CXADR: variants seen among roughly 807,000 people sequenced by gnomAD.
CXADR encodes the protein coxsackievirus and adenovirus receptor.
In CXADR, 20 loss-of-function variants were observed where a neutral mutation model predicts 40.3. The observed-to-expected ratio is 0.50, with a 90% CI of 0.35 to 0.72. The LOEUF (loss-of-function observed/expected upper bound fraction) is 0.72. Ranked by LOEUF, CXADR falls within the 30% of genes least tolerant of loss-of-function variation. The probability of loss-of-function intolerance (pLI) is 0.01; values close to 1 mark genes in which losing one functional copy is unlikely to be tolerated. For synonymous variants in CXADR, 150 were observed against 161.3 expected (o/e 0.93, Z 0.53); for missense variants, 332 against 449.1 (o/e 0.74, Z 2.36).
At chr21:17,564,769 C>G (rs916721965) in intron 6 of CXADR, among the ~76,000 whole-genome samples, 1 of 152,176 alleles carries the variant, frequency 6.6e-6, no homozygotes, top group African/African-American at 2.4e-5. Flanking sequence ...GAGTCTCACT[C>G]TGGCGCCCAG....
rs149744839 is a variant in CXADR at position 17,523,670 on chromosome 21, A to T, written c.43+10498A>T. The stretch of plus-strand genomic sequence containing the variant: ...TAGTTGATGTGAAGATAATTATTAA[A>T]TTAAATTAATTATTAAAATAAGATA... On this transcript the variant is annotated intron_variant, in intron 1 of 6. Coordinates refer to ENST00000284878, the MANE Select transcript of CXADR (RefSeq NM_001338.5). Among the ~76,000 whole-genome samples, 1,343 of 150,680 alleles carry T rather than the reference A, an allele frequency of 8.9e-3. 24 individuals are homozygous for T. Among genetic ancestry groups the T allele is most frequent in the African/African-American group, 0.031 (1,281 of 41,488 alleles).
Position 17,565,677 on chromosome 21 carries a change from T to G in CXADR, c.1083T>G (p.Asp361Glu), listed in dbSNP as rs760265761. 1.1e-5 allele frequency: 17 copies of G among 1,611,872 alleles called. No homozygotes were observed. The highest frequency in any genetic ancestry group is 1.4e-5 in the Non-Finnish European group (17 of 1,179,838). The change falls in exon 7 of 7, where the codon GAT (aspartate) becomes GAG (glutamate). Residue 361 changes from aspartate to glutamate, a missense_variant. Asp to Glu is a conservative substitution (Grantham distance 45). Transcript: ENST00000284878. The part of the protein sequence containing the change: ...IPVMIPAQSK[D>E]GSIV The stretch of plus-strand genomic sequence containing the variant: ...TGATGATTCCAGCACAGAGCAAGGA[T>G]GGGTCTATAGTATAGAGCCTCCATA...
intron 1 of CXADR, among the ~76,000 whole-genome samples, chr21:17,544,760 T>G (rs1193873981): frequency 1.3e-5 from 2 of 152,160 alleles, no homozygotes; most frequent in Non-Finnish European, 2.9e-5. Flanking sequence ...GAATCCCAAT[T>G]TAAATTTATT....
At chr21:17,628,095 T>A in the CXADR span, among the ~76,000 whole-genome samples, 1 of 152,196 alleles carries the variant, frequency 6.6e-6, no homozygotes, top group Non-Finnish European at 1.5e-5. Context: ...CTTAAGAGAT[T>A]ATAAAAGCAC....
At chr21:17,623,322 A>C in the CXADR span, among the ~76,000 whole-genome samples, 13 of 151,842 alleles carry the variant, frequency 8.6e-5, no homozygotes, top group Non-Finnish European at 1.0e-4. Flanking sequence ...ATTCGATTTT[A>C]TTATCTTATA....
chr21:17,527,836 G>T (rs1184048584), intron 1 of CXADR, among the ~76,000 whole-genome samples: 1 of 151,000 alleles, frequency 6.6e-6, no homozygotes, highest in Non-Finnish European at 1.5e-5. Flanking sequence ...TAATGAGACG[G>T]AATCTCGCTC....
the CXADR span, among the ~76,000 whole-genome samples, chr21:17,631,423 G>A: frequency 6.6e-6 from 1 of 152,180 alleles, no homozygotes; most frequent in Non-Finnish European, 1.5e-5. Flanking sequence ...ATTTCAAAGT[G>A]TCAAATAAAA....
chr21:17,596,544 T>C (rs1432496626), downstream of CXADR, among the ~76,000 whole-genome samples: 3 of 152,022 alleles, frequency 2.0e-5, no homozygotes, highest in South Asian at 4.1e-4. Flanking sequence ...CTTGAAGACT[T>C]TCCCCATTGA....
chr21:17,579,627 G>A (rs2061346528), intron 7 of CXADR, among the ~76,000 whole-genome samples: 1 of 152,144 alleles, frequency 6.6e-6, no homozygotes, highest in Non-Finnish European at 1.5e-5. Flanking sequence ...CCATTCCCTG[G>A]GCGGCTTGCC....
chr21:17,520,511 C>T (rs1056807180), intron 1 of CXADR, among the ~76,000 whole-genome samples: 1 of 152,138 alleles, frequency 6.6e-6, no homozygotes, highest in Admixed American at 6.5e-5. Flanking sequence ...TTGGTGGGAG[C>T]TGACAGGTCT....
intron 1 of CXADR, among the ~76,000 whole-genome samples, chr21:17,525,618 G>C (rs1180200763): frequency 6.6e-6 from 1 of 152,222 alleles, no homozygotes; most frequent in East Asian, 1.9e-4. Flanking sequence ...TTTTGTGCCA[G>C]GGTAATTCTG....
At chr21:17,520,895 T>G (rs1193382470) in intron 1 of CXADR, among the ~76,000 whole-genome samples, 1 of 152,140 alleles carries the variant, frequency 6.6e-6, no homozygotes, top group African/African-American at 2.4e-5. Context: ...GAGATGACAA[T>G]GAGCTTAAGT....
intron 4 of CXADR, 63 bp downstream of exon 4, chr21:17,559,194 G>A: frequency 6.4e-7 from 1 of 1,554,474 alleles, no homozygotes; most frequent in Non-Finnish European, 8.8e-7. Flanking sequence ...TAGTAGGGGT[G>A]TGTGTGTGAT....
downstream of CXADR, among the ~76,000 whole-genome samples, chr21:17,597,045 A>G (rs2061513334): frequency 6.6e-6 from 1 of 152,104 alleles, no homozygotes; most frequent in African/African-American, 2.4e-5. Context: ...TAGCTTTCAC[A>G]CAAGTAGTGT....
At chr21:17,561,915 AGAT>A (rs1454588265) in intron 6 of CXADR, among the ~76,000 whole-genome samples, 2 of 152,222 alleles carry the variant, frequency 1.3e-5, no homozygotes, top group African/African-American at 4.8e-5. Context: ...TGTGCATATT[AGAT>A]AATAGAATTT....
At chr21:17,585,820 A>C (rs1192875162) in intron 7 of CXADR, among the ~76,000 whole-genome samples, 2 of 152,040 alleles carry the variant, frequency 1.3e-5, no homozygotes, top group African/African-American at 4.8e-5. Flanking sequence ...GCCCGGTTTT[A>C]ATTCTTTTCT....
At chr21:17,557,214 TTG>T (rs2123291873) in intron 3 of CXADR, among the ~76,000 whole-genome samples, 1 of 152,170 alleles carries the variant, frequency 6.6e-6, no homozygotes, top group East Asian at 1.9e-4. Context: ...ATAGAAAACA[TTG>T]TCTCTCCCAA....
downstream of CXADR, among the ~76,000 whole-genome samples, chr21:17,570,418 A>G (rs1372607111): frequency 6.6e-6 from 1 of 152,206 alleles, no homozygotes; most frequent in East Asian, 1.9e-4. Flanking sequence ...CAATGTGTGT[A>G]TATATACACA....
chr21:17,559,668 GGTTT>G lies in CXADR; in HGVS notation c.571+538_571+541del, dbSNP rs1569128058. Among the ~76,000 whole-genome samples, 29 of 106,206 alleles carry G rather than the reference GGTTT, an allele frequency of 2.7e-4. 1 individual carries two copies. The highest frequency in any genetic ancestry group is 1.5e-3 in the East Asian group (5 of 3,414). 69.7% of individuals were successfully genotyped at this position (106,206 alleles called of 152,430 possible). A position where few individuals can be genotyped will look rare whatever the true frequency, so the allele number is the denominator to read the frequency against. On this transcript the variant is annotated intron_variant, in intron 4 of 6. Coordinates refer to ENST00000284878, the MANE Select transcript of CXADR (RefSeq NM_001338.5). ...TTAGTTACTTTGGTACTTTTTTTTGGGTTTTTTTTTTTTTTTTTTTTTTCCGAGA... is the reference window on the plus strand; with the variant it reads ...TTAGTTACTTTGGTACTTTTTTTTGGTTTTTTTTTTTTTTTTTTTCCGAGA...
Sources: gnomAD v4.1 joint callset for allele counts (sites outside exome capture counted in the v4.1 genomes callset) on GRCh38, gnomAD v4.1.1 for gene constraint, MANE v1.5 for transcripts, NCBI Gene and HGNC (gene_info 2026-07-23, HGNC 2026-07-21) for gene names.